The following PRKG1 variants were observed in gnomAD, a reference collection of about 807,000 sequenced individuals.
PRKG1 encodes cGMP-dependent protein kinase 1.
A neutral mutation model predicts 88.1 loss-of-function variants in PRKG1; 35 were observed. The observed-to-expected ratio is 0.40, with a 90% CI of 0.30 to 0.53. PRKG1 has a LOEUF of 0.53. Ranked by LOEUF, PRKG1 falls within the 20% of genes least tolerant of loss-of-function variation. The probability of loss-of-function intolerance (pLI) is 0.59; values close to 1 mark genes in which losing one functional copy is unlikely to be tolerated. For missense variants in PRKG1, 540 were observed against 839.8 expected, an observed-to-expected ratio of 0.64 and a Z score of 4.41; for synonymous variants, 303 against 292.5, an observed-to-expected ratio of 1.04 and a Z score of -0.37.
chr10:51,059,777 T>C (rs978590047), intron 1 of PRKG1, among the ~76,000 whole-genome samples: 1 of 152,184 alleles, frequency 6.6e-6, no homozygotes, highest in Non-Finnish European at 1.5e-5. Context: ...TAGAAAATTA[T>C]GTGTTTTGCA....
intron 3 of PRKG1, among the ~76,000 whole-genome samples, chr10:51,505,399 C>T (rs1005523760): frequency 4.6e-5 from 7 of 152,084 alleles, no homozygotes; most frequent in Non-Finnish European, 8.8e-5. Context: ...ATTTTTGCAT[C>T]GATGTTCATC....
chr10:51,037,782 C>CAA (rs55765146), intron 1 of PRKG1, among the ~76,000 whole-genome samples: 1 of 139,992 alleles, frequency 7.1e-6, no homozygotes, highest in African/African-American at 2.6e-5. Flanking sequence ...GACTCGATCT[C>CAA]AAAAAAAAAA....
chr10:51,153,131 A>C, intron 1 of PRKG1, 33 bp from the exon 2 acceptor site: 1 of 1,600,232 alleles, frequency 6.2e-7, no homozygotes, highest in Non-Finnish European at 8.5e-7. Context: ...AGCTTGTCAG[A>C]TGTGCCAGTA....
chr10:51,524,067 C>T (rs1259737387), intron 3 of PRKG1, among the ~76,000 whole-genome samples: 1 of 152,042 alleles, frequency 6.6e-6, no homozygotes, highest in Non-Finnish European at 1.5e-5. Flanking sequence ...GTTTGTGGCA[C>T]CTCTCCCCTG....
chr10:52,251,751 CTT>C, intron 10 of PRKG1, 85 bp downstream of exon 10: 1 of 1,108,666 alleles, frequency 9.0e-7, no homozygotes, highest in South Asian at 1.4e-5. Context: ...TTTCTTTTCT[CTT>C]GTTTTGTCTT....
intron 2 of PRKG1, among the ~76,000 whole-genome samples, chr10:51,404,549 G>A (rs1371101515): frequency 1.3e-5 from 2 of 152,190 alleles, no homozygotes; most frequent in Non-Finnish European, 2.9e-5. Context: ...AGTCAATATG[G>A]TAATAGCATG....
chr10:51,680,637 C>T (rs180698948), intron 3 of PRKG1, among the ~76,000 whole-genome samples: 1 of 152,336 alleles, frequency 6.6e-6, no homozygotes, highest in East Asian at 1.9e-4. Context: ...TCCATGATGA[C>T]TTATGAATTC....
chr10:51,267,082 CTCTG>C (rs1839855084), intron 2 of PRKG1, among the ~76,000 whole-genome samples: 1 of 152,158 alleles, frequency 6.6e-6, no homozygotes, highest in Non-Finnish European at 1.5e-5. Context: ...TGAAAATTAG[CTCTG>C]TTGCTGCCGA....
At chr10:51,898,606 G>T (rs1216836225) in intron 4 of PRKG1, among the ~76,000 whole-genome samples, 1 of 152,104 alleles carries the variant, frequency 6.6e-6, no homozygotes. Context: ...AGGCAAAGGA[G>T]GGAGGATCAC....
chr10:51,740,688 C>T (rs1378258244), intron 3 of PRKG1, among the ~76,000 whole-genome samples: 1 of 152,094 alleles, frequency 6.6e-6, no homozygotes, highest in Non-Finnish European at 1.5e-5. Context: ...ACTCCATGGA[C>T]TCCTTTAAAA....
chr10:51,773,646 TATG>T (rs1451647512), intron 3 of PRKG1, among the ~76,000 whole-genome samples: 2 of 152,150 alleles, frequency 1.3e-5, no homozygotes, highest in Non-Finnish European at 2.9e-5. Flanking sequence ...TGTTTCATGC[TATG>T]ATATTTTTTA....
chr10:51,028,994 A>C (rs1332085487), intron 1 of PRKG1, among the ~76,000 whole-genome samples: 1 of 152,154 alleles, frequency 6.6e-6, no homozygotes, highest in Non-Finnish European at 1.5e-5. Context: ...CAAGGAACAC[A>C]AGATAACTTC....
intron 3 of PRKG1, among the ~76,000 whole-genome samples, chr10:51,617,410 G>A (rs564768522): frequency 1.3e-5 from 2 of 152,136 alleles, no homozygotes; most frequent in East Asian, 1.9e-4. Context: ...TAGCAGCAGG[G>A]TGGGTAGGCT....
chr10:51,254,622 G>T (rs892076920), intron 2 of PRKG1, among the ~76,000 whole-genome samples: 2 of 151,976 alleles, frequency 1.3e-5, no homozygotes, highest in African/African-American at 4.8e-5. Flanking sequence ...TAGAGAATTT[G>T]GATTTATACT....
chr10:51,342,223 A>G (rs1458736276), intron 2 of PRKG1, among the ~76,000 whole-genome samples: 51 of 152,168 alleles, frequency 3.4e-4, no homozygotes, highest in Non-Finnish European at 1.5e-4. Flanking sequence ...TAGGATAAGT[A>G]ATAGGAGAAG....
intron 5 of PRKG1, among the ~76,000 whole-genome samples, chr10:51,926,138 C>T (rs1430130415): frequency 6.6e-6 from 1 of 152,030 alleles, no homozygotes; most frequent in African/African-American, 2.4e-5. Flanking sequence ...GAAATTATTT[C>T]TGTATGAAAT....
chr10:52,141,816 A>G (rs1280589517), intron 8 of PRKG1, among the ~76,000 whole-genome samples: 1 of 152,174 alleles, frequency 6.6e-6, no homozygotes, highest in Non-Finnish European at 1.5e-5. Flanking sequence ...GAGAAGTAAA[A>G]GGGAACATAC....
rs149323493 is a variant in PRKG1, at chr10:51,937,001, T to C, written c.762+29431T>C. 5.6e-4 allele frequency among the ~76,000 whole-genome samples: 85 copies of C among 152,152 alleles called. No individual in the cohort carries two copies. The East Asian group carries it at 0.015, about 26-fold the overall frequency. On this transcript the variant is annotated intron_variant, in intron 5 of 17. Transcript: ENST00000373980. Reference sequence around the variant, plus strand: ...ATTTATGAGAAGATTTTCATAATGATTCACAGAAATTCAGAAAGAATTATT... The same window carrying C: ...ATTTATGAGAAGATTTTCATAATGACTCACAGAAATTCAGAAAGAATTATT...
At chr10:51,566,858 C>T (rs902132195) in intron 3 of PRKG1, among the ~76,000 whole-genome samples, 1 of 151,478 alleles carries the variant, frequency 6.6e-6, no homozygotes, top group Non-Finnish European at 1.5e-5. Flanking sequence ...GATAAGGACA[C>T]CCCATTGGGA....
Sources: gnomAD v4.1 joint callset for allele counts (sites outside exome capture counted in the v4.1 genomes callset) on GRCh38, gnomAD v4.1.1 for gene constraint, MANE v1.5 for transcripts, NCBI Gene and HGNC (gene_info 2026-07-23, HGNC 2026-07-21) for gene names.